FRMPD3: variants seen among roughly 807,000 people sequenced by gnomAD.
FRMPD3 encodes the protein FERM and PDZ domain containing 3.
In FRMPD3, 42 loss-of-function variants were observed where a neutral mutation model predicts 97.9. That is an observed-to-expected ratio of 0.43 (90% CI 0.34 to 0.55). FRMPD3 has a LOEUF of 0.55. FRMPD3 is among the 20% of genes least tolerant of loss of function. The pLI is 0.03. For missense variants in FRMPD3, 1,303 were observed against 1,457.7 expected (o/e 0.89, Z 1.73); for synonymous variants, 577 against 581.1 (o/e 0.99, Z 0.10).
chrX:107,507,221 G>A (rs759596563), intron 1 of FRMPD3, among the ~76,000 whole-genome samples: 2 of 110,935 alleles, frequency 1.8e-5, no homozygotes, highest in African/African-American at 6.6e-5. Context: ...CCCTCACCCC[G>A]AGATCCCAAG....
Position 107,526,344 on chromosome X carries a change from G to A in FRMPD3, c.-7-238G>A, listed in dbSNP as rs150312412. Reference sequence around the variant, plus strand: ...CTGACTCTAATTTCAGGCTCATGACGTCAGTTTCTTCTATTGGCTGTAGCC... The same window carrying A: ...CTGACTCTAATTTCAGGCTCATGACATCAGTTTCTTCTATTGGCTGTAGCC... On this transcript the variant is annotated intron_variant, in intron 1 of 14. Coordinates refer to ENST00000683843, the MANE Select transcript of FRMPD3 (RefSeq NM_001388459.1). Among the ~76,000 whole-genome samples, 280 of 111,514 alleles carry A rather than the reference G, an allele frequency of 2.5e-3. 3 individuals carry two copies. In the East Asian group the frequency reaches 0.053, roughly 21 times the overall value.
Position 107,602,246 on chromosome X carries a change from G to A in FRMPD3, c.4207G>A (p.Gly1403Ser), listed in dbSNP as rs766102053. ...CTACAGTATCAGTGAGCTGGACCAG[G>A]GTGACAGGGCCTCGCTGACCTCGGA... The part of the protein sequence containing the change: ...RRYSISELDQ[G>S]DRASLTSDVY... The change falls in exon 15 of 15, where the codon GGT becomes AGT. Residue 1403 changes from glycine (G) to serine (S), a missense_variant. By Grantham distance (56) the Gly-to-Ser change is moderately conservative (BLOSUM62 0). Around this residue, in one of 3 missense-constraint regions of FRMPD3, gnomAD observed 764 missense variants for 820.2 expected, o/e 0.93. Coordinates refer to ENST00000683843, the MANE Select transcript of FRMPD3 (RefSeq NM_001388459.1). 6.6e-6 allele frequency: 8 copies of A among 1,209,130 alleles called. No homozygotes were observed. Among genetic ancestry groups the A allele is most frequent in the Non-Finnish European group, 8.9e-6 (8 of 894,236 alleles).
At chrX:107,486,762 T>C (rs1416017518) in intron 1 of FRMPD3, among the ~76,000 whole-genome samples, 1 of 112,180 alleles carries the variant, frequency 8.9e-6, no homozygotes, top group Non-Finnish European at 1.9e-5. Context: ...TTGAAATCTC[T>C]ATTCCTTAAG....
rs1347794084 is a variant in FRMPD3, at chrX:107,602,021, G to A, written c.3982G>A (p.Val1328Ile). The A allele has an allele frequency of 3.4e-6, 4 of 1,175,139 alleles. No homozygotes were observed. The highest frequency in any genetic ancestry group is 3.4e-6 in the Non-Finnish European group (3 of 878,571). Reference sequence around the variant, plus strand: ...CCTCCGGGGGAGGGAAAGGGACAGAGTCCTCCCTAGCCAGAGGCAGCCAGA... The same window carrying A: ...CCTCCGGGGGAGGGAAAGGGACAGAATCCTCCCTAGCCAGAGGCAGCCAGA... ...PSLRGRERDR[V>I]LPSQRQPEAG... The change falls in exon 15 of 15, where the codon GTC (valine) becomes ATC (isoleucine). Residue 1328 changes from valine (V) to isoleucine (I), a missense_variant. By Grantham distance (29) the Val-to-Ile change is conservative (BLOSUM62 3). Coordinates refer to ENST00000683843, the MANE Select transcript of FRMPD3 (RefSeq NM_001388459.1).
intron 1 of FRMPD3, among the ~76,000 whole-genome samples, chrX:107,483,213 T>C (rs1342649801): frequency 8.9e-6 from 1 of 112,518 alleles, no homozygotes; most frequent in Admixed American, 9.3e-5. Flanking sequence ...CCAGCCCATG[T>C]TCTGCTCCCC....
In FRMPD3 at chrX:107,576,339, C is replaced by G; in HGVS notation, c.1321C>G (p.Pro441Ala). 8.3e-7 allele frequency: 1 copy of G among 1,210,856 alleles called. No individual in the cohort carries two copies. The highest frequency in any genetic ancestry group is 1.1e-6 in the Non-Finnish European group (1 of 895,347). The part of the protein sequence containing the change: ...AKPLVLLMEW[P>A]EATNFACLIA... ...GCCTCTGGTGCTGTTGATGGAGTGG[C>G]CTGAAGCCACCAACTTTGCCTGCCT... Residue 441 changes from proline to alanine, a missense_variant, in exon 13 of 15, where the codon CCT becomes GCT. Around this residue, in one of 3 missense-constraint regions of FRMPD3, gnomAD observed 535 missense variants for 618.6 expected, o/e 0.86. Coordinates refer to ENST00000683843, the MANE Select transcript of FRMPD3 (RefSeq NM_001388459.1).
chrX:107,554,447 A>G lies in FRMPD3; in HGVS notation c.705A>G (p.Lys235=). The G allele has an allele frequency of 8.3e-7, 1 of 1,210,438 alleles. No homozygotes were observed. Among genetic ancestry groups the G allele is most frequent in the Non-Finnish European group, 1.1e-6 (1 of 895,117 alleles). Residue 235 remains lysine, a synonymous_variant, in exon 8 of 15, where the codon AAA becomes AAG. Coordinates refer to ENST00000683843, the MANE Select transcript of FRMPD3 (RefSeq NM_001388459.1). ...TCTTCCGAATAAGCTTCTTTCCCAA[A>G]GACCCTGTGGAGCTGCTGCGTCGGG... is the stretch of plus-strand genomic sequence containing the variant. ...KCLFRISFFP[K]DPVELLRRDP...
At chrX:107,450,562 C>CCACACACACACA (rs561898459) in intron 1 of FRMPD3, among the ~76,000 whole-genome samples, 38 of 84,302 alleles carry the variant, frequency 4.5e-4, no homozygotes, top group African/African-American at 1.9e-3. Flanking sequence ...CATGCAAAGA[C>CCACACACACACA]CACACACACA....
At chrX:107,563,241 T>C in intron 11 of FRMPD3, 41 bp downstream of exon 11, 1 of 1,073,107 alleles carries the variant, frequency 9.3e-7, no homozygotes. Context: ...AGGGAGCCCC[T>C]TGTTGGCTCT....
intron 13 of FRMPD3, among the ~76,000 whole-genome samples, chrX:107,588,340 C>T (rs1305858749): frequency 1.8e-5 from 2 of 109,966 alleles, no homozygotes; most frequent in African/African-American, 6.6e-5. Context: ...CCACAACCTC[C>T]GCCTCTCAGG....
In FRMPD3 at chrX:107,604,944, TCTC is replaced by T. The variant is rs1419859738; in HGVS notation, c.*1576_*1578del. 9.1e-6 allele frequency: 1 copy of T among 109,817 alleles called. No homozygotes were observed. Among genetic ancestry groups the T allele is most frequent in the African/African-American group, 3.3e-5 (1 of 30,099 alleles). The allele number at this position is 109,817 out of a possible 1,213,427, so 9.1% of individuals were successfully genotyped here. ...GAATCCAGCCCCTCACTTCCTTGCTTCTCCTCCCCCAGGACCAAGTTGTTGAAT... is the reference window on the plus strand; with the variant it reads ...GAATCCAGCCCCTCACTTCCTTGCTTCTCCCCCAGGACCAAGTTGTTGAAT... On this transcript the variant is annotated 3_prime_UTR_variant, in exon 15 of 15. Transcript: ENST00000683843.
chrX:107,518,706 T>C (rs1420148128), intron 1 of FRMPD3, among the ~76,000 whole-genome samples: 1 of 112,112 alleles, frequency 8.9e-6, no homozygotes, highest in Non-Finnish European at 1.9e-5. Flanking sequence ...AACATAGAAT[T>C]ACCTTACGAT....
rs1924586575 is a variant in FRMPD3, at chrX:107,602,593, C to T, written c.4554C>T (p.Tyr1518=). 6 of 1,211,537 alleles carry T rather than the reference C, an allele frequency of 5.0e-6. No individual in the cohort carries two copies. The highest frequency in any genetic ancestry group is 6.7e-6 in the Non-Finnish European group (6 of 895,454). Residue 1518 remains tyrosine, a synonymous_variant, in exon 15 of 15, where the codon TAC becomes TAT. Coordinates refer to ENST00000683843, the MANE Select transcript of FRMPD3 (RefSeq NM_001388459.1). ...DASDGKDELS[Y]SIPMKILPGM... ...GTGATGGCAAGGATGAGCTCTCCTACTCTATCCCCATGAAGATCCTGCCTG... is the reference window on the plus strand; with the variant it reads ...GTGATGGCAAGGATGAGCTCTCCTATTCTATCCCCATGAAGATCCTGCCTG...
intron 3 of FRMPD3, among the ~76,000 whole-genome samples, chrX:107,532,335 G>A (rs777570792): frequency 8.9e-6 from 1 of 112,457 alleles, no homozygotes; most frequent in South Asian, 3.7e-4. Flanking sequence ...AAGGCCAGGA[G>A]TGTGTTTGGC....
chrX:107,520,835 T>C (rs1922484116), intron 1 of FRMPD3, among the ~76,000 whole-genome samples: 1 of 112,303 alleles, frequency 8.9e-6, no homozygotes. Context: ...TCAGTTTCCT[T>C]ATCTGTAAAA....
intron 1 of FRMPD3, among the ~76,000 whole-genome samples, 170 bp from the exon 2 acceptor site, chrX:107,526,412 A>G (rs368163238): frequency 1.1e-3 from 124 of 111,039 alleles, no homozygotes; most frequent in African/African-American, 3.8e-3. Context: ...TCTTTCTCCA[A>G]TCTGAAATAT....
At chrX:107,514,193 G>A (rs1396098142) in intron 1 of FRMPD3, among the ~76,000 whole-genome samples, 2 of 111,680 alleles carry the variant, frequency 1.8e-5, no homozygotes, top group Admixed American at 1.9e-4. Flanking sequence ...AAGAGGAAGA[G>A]TAGCATGGAG....
intron 13 of FRMPD3, among the ~76,000 whole-genome samples, chrX:107,580,299 G>A (rs1923324528): frequency 8.9e-6 from 1 of 111,820 alleles, no homozygotes; most frequent in Non-Finnish European, 1.9e-5. Context: ...AATATGGGAG[G>A]CATACTGTCC....
intron 4 of FRMPD3, among the ~76,000 whole-genome samples, chrX:107,534,868 A>G (rs1169927706): frequency 1.8e-5 from 2 of 112,381 alleles, no homozygotes; most frequent in Non-Finnish European, 3.8e-5. Flanking sequence ...TCTCTCACAT[A>G]TGTACACACA....
Sources: gnomAD v4.1 joint callset for allele counts (sites outside exome capture counted in the v4.1 genomes callset) on GRCh38, gnomAD v4.1.1 for gene constraint, gnomAD v4.1.1 regional missense constraint, MANE v1.5 for transcripts, NCBI Gene and HGNC (gene_info 2026-07-23, HGNC 2026-07-21) for gene names.